Variants in LANCL1 observed in about 807,000 individuals in gnomAD.
LANCL1 encodes the protein glutathione S-transferase LANCL1.
In LANCL1, 50 loss-of-function variants were observed where a neutral mutation model predicts 50.6. The ratio of observed to expected loss-of-function variants is 0.99; its 90% CI spans 0.79 to 1.25. The LOEUF (loss-of-function observed/expected upper bound fraction) is 1.25, where lower values mean the gene tolerates loss of function less well. Ranked by LOEUF, LANCL1 falls within the 50% of genes most tolerant of loss-of-function variation. LANCL1 has a pLI of 0.00. For synonymous variants in LANCL1, 188 were observed against 178.6 expected (o/e 1.05, Z -0.42); for missense variants, 532 against 480.7 (o/e 1.11, Z -1.00).
At chr2:210,440,195 G>C (rs1693084090) in intron 6 of LANCL1, among the ~76,000 whole-genome samples, 1 of 152,110 alleles carries the variant, frequency 6.6e-6, no homozygotes, top group African/African-American at 2.4e-5. Context: ...GTTTTCTATT[G>C]ATTTTGTTCT....
chr2:210,469,594 A>G (rs553611851), intron 3 of LANCL1, among the ~76,000 whole-genome samples: 17 of 152,322 alleles, frequency 1.1e-4, no homozygotes, highest in African/African-American at 4.1e-4. Flanking sequence ...GATGCTTGCC[A>G]TATAAGCTGC....
intron 4 of LANCL1, among the ~76,000 whole-genome samples, chr2:210,453,199 T>G (rs1472818614): frequency 6.6e-6 from 1 of 152,184 alleles, no homozygotes; most frequent in Non-Finnish European, 1.5e-5. Context: ...TGTCAAAATT[T>G]AAAAAGGTAA....
At position 210,440,490 on chromosome 2, in the gene LANCL1, C is replaced by T. The variant is rs550637841; in HGVS notation, c.690+108G>A. On this transcript the variant is annotated intron_variant, in intron 6 of 9. Coordinates refer to ENST00000450366, the MANE Select transcript of LANCL1 (RefSeq NM_006055.3). The stretch of plus-strand genomic sequence containing the variant: ...TAATTACAAGGAGAGTACTGTAATG[C>T]AGTGGTTGACAGAATGACAAACTAG... The T allele has an allele frequency of 3.7e-5, 38 of 1,025,906 alleles. No homozygotes were observed. In the Admixed American group the frequency reaches 5.5e-4, roughly 15 times the overall value. The allele number at this position is 1,025,906 out of a possible 1,614,324, so 63.6% of individuals were successfully genotyped here.
chr2:210,465,332 G>A (rs1363548028), intron 3 of LANCL1, among the ~76,000 whole-genome samples: 1 of 152,218 alleles, frequency 6.6e-6, no homozygotes, highest in African/African-American at 2.4e-5. Flanking sequence ...AGTGCCACTA[G>A]TGATGCTGAA....
At chr2:210,443,795 T>C (rs190724678) in intron 4 of LANCL1, among the ~76,000 whole-genome samples, 43 of 152,302 alleles carry the variant, frequency 2.8e-4, no homozygotes, top group African/African-American at 8.7e-4. Context: ...TACTCAGCAC[T>C]GAAGTGCCTC....
At chr2:210,440,922 C>T (rs1693108833) in intron 5 of LANCL1, among the ~76,000 whole-genome samples, 178 bp from the exon 6 acceptor site, 1 of 152,158 alleles carries the variant, frequency 6.6e-6, no homozygotes, top group Non-Finnish European at 1.5e-5. Flanking sequence ...TGTATTTAGC[C>T]TAGAAGGGGG....
chr2:210,473,376 AAACAAC>A (rs554528717), intron 2 of LANCL1, among the ~76,000 whole-genome samples: 2 of 152,016 alleles, frequency 1.3e-5, no homozygotes, highest in African/African-American at 2.4e-5. Flanking sequence ...ACTCCATCTC[AAACAAC>A]AACAACAACA....
At chr2:210,473,493 A>C (rs916849197) in intron 2 of LANCL1, among the ~76,000 whole-genome samples, 4 of 152,262 alleles carry the variant, frequency 2.6e-5, no homozygotes, top group African/African-American at 9.6e-5. Flanking sequence ...TTAAAATTTC[A>C]GAACAATGTG....
chr2:210,470,016 T>C (rs533500520), intron 3 of LANCL1, among the ~76,000 whole-genome samples: 1 of 151,854 alleles, frequency 6.6e-6, no homozygotes, highest in African/African-American at 2.4e-5. Flanking sequence ...ACTCCATATA[T>C]ATTAGAAAAA....
chr2:210,473,174 G>C (rs1054412034), intron 2 of LANCL1, among the ~76,000 whole-genome samples: 1 of 152,124 alleles, frequency 6.6e-6, no homozygotes, highest in Admixed American at 6.6e-5. Context: ...TTAGGAGTTC[G>C]AGACCAGTCT....
chr2:210,434,280 AAAGTT>A lies in LANCL1; in HGVS notation c.*202_*206del, dbSNP rs1559703499. Reference sequence around the variant, plus strand: ...CTCCCTTTAGGAAGAAATGGAAATTAAAGTTAAAAGACTTCCTTGGATACTTCTAA... The same window carrying A: ...CTCCCTTTAGGAAGAAATGGAAATTAAAAAGACTTCCTTGGATACTTCTAA... On this transcript the variant is annotated 3_prime_UTR_variant, in exon 10 of 10. Transcript: ENST00000450366. 8.0e-6 allele frequency: 4 copies of A among 497,094 alleles called. No homozygotes were observed. Among genetic ancestry groups the A allele is most frequent in the Non-Finnish European group, 1.4e-5 (4 of 280,720 alleles). The allele number at this position is 497,094 out of a possible 1,614,324, so 30.8% of individuals were successfully genotyped here. A position where few individuals can be genotyped will look rare whatever the true frequency, so the allele number is the denominator to read the frequency against.
intron 4 of LANCL1, among the ~76,000 whole-genome samples, chr2:210,442,928 G>A (rs971745526): frequency 4.6e-5 from 7 of 152,180 alleles, no homozygotes; most frequent in Admixed American, 4.6e-4. Context: ...CTCATGCTGG[G>A]AGCAGGTGCG....
At chr2:210,465,320 A>G (rs1320285245) in intron 3 of LANCL1, among the ~76,000 whole-genome samples, 1 of 152,234 alleles carries the variant, frequency 6.6e-6, no homozygotes, top group Non-Finnish European at 1.5e-5. Context: ...GGACACATAC[A>G]AAGTGCCACT....
intron 4 of LANCL1, among the ~76,000 whole-genome samples, chr2:210,446,881 A>G (rs1215374378): frequency 6.6e-6 from 1 of 152,184 alleles, no homozygotes; most frequent in Non-Finnish European, 1.5e-5. Context: ...CATTTGCTGT[A>G]CCTGAAAGCG....
intron 7 of LANCL1, 86 bp downstream of exon 7, chr2:210,437,604 T>G: frequency 1.4e-6 from 1 of 740,602 alleles, no homozygotes; most frequent in Non-Finnish European, 2.0e-6. Flanking sequence ...TTATTTATTG[T>G]TCCTTTATGG....
At chr2:210,438,993 A>G (rs1422531883) in intron 6 of LANCL1, among the ~76,000 whole-genome samples, 1 of 152,126 alleles carries the variant, frequency 6.6e-6, no homozygotes, top group East Asian at 1.9e-4. Context: ...GGTCAAAGCA[A>G]TGCTGACAAT....
chr2:210,452,496 T>C (rs778529065), intron 4 of LANCL1, among the ~76,000 whole-genome samples: 6 of 152,104 alleles, frequency 3.9e-5, no homozygotes, highest in African/African-American at 1.4e-4. Flanking sequence ...TGTCCTCCCC[T>C]CCACTCCCCA....
At chr2:210,444,274 G>C (rs1211445532) in intron 4 of LANCL1, among the ~76,000 whole-genome samples, 1 of 152,202 alleles carries the variant, frequency 6.6e-6, no homozygotes, top group Non-Finnish European at 1.5e-5. Flanking sequence ...GATACAGTGA[G>C]TGAAAACATC....
intron 3 of LANCL1, among the ~76,000 whole-genome samples, chr2:210,462,625 T>C (rs2105917111): frequency 6.6e-6 from 1 of 152,324 alleles, no homozygotes; most frequent in East Asian, 1.9e-4. Flanking sequence ...TTTTCTATCC[T>C]GAAACCATGC....
Sources: allele counts gnomAD v4.1 joint callset (sites outside exome capture counted in the v4.1 genomes callset), GRCh38; gene constraint gnomAD v4.1.1; transcripts MANE v1.5; gene names NCBI Gene and HGNC (gene_info 2026-07-23, HGNC 2026-07-21).